Variants in HDC observed in about 807,000 individuals in gnomAD.
HDC encodes the protein histidine decarboxylase.
HDC carries 27 observed loss-of-function variants against 64.4 expected under a neutral mutation model. The ratio of observed to expected loss-of-function variants is 0.42; its 90% CI spans 0.31 to 0.58. The LOEUF (loss-of-function observed/expected upper bound fraction) is 0.58, where lower values mean the gene tolerates loss of function less well. Ranked by LOEUF, HDC falls within the 20% of genes least tolerant of loss-of-function variation. HDC has a pLI of 0.16. For synonymous variants in HDC, 305 were observed against 314.2 expected (o/e 0.97, Z 0.31); for missense variants, 711 against 833.9 (o/e 0.85, Z 1.81).
chr15:50,263,241 C>T lies in HDC; in HGVS notation c.198G>A (p.Met66Ile), dbSNP rs1171710102. 1 of 1,614,006 alleles carries T rather than the reference C, an allele frequency of 6.2e-7. No homozygotes were observed. The highest frequency in any genetic ancestry group is 8.5e-7 in the Non-Finnish European group (1 of 1,180,010). ...SIFGDIERII[M>I]PGVVHWQSPH... The stretch of plus-strand genomic sequence containing the variant: ...TGTGGTCACTGTGTCTCACCCCAGG[C>T]ATGATGATTCGTTCAATGTCCCCAA... Residue 66 changes from methionine (M) to isoleucine (I), a missense_variant, in exon 2 of 12, where the codon ATG becomes ATA. Met to Ile is a conservative substitution (Grantham distance 10). Around this residue, in one of 3 missense-constraint regions of HDC, gnomAD observed 225 missense variants for 276.2 expected, o/e 0.81. Coordinates refer to ENST00000267845, the MANE Select transcript of HDC (RefSeq NM_002112.4).
At chr15:50,247,717 T>C (rs2045500925) in intron 10 of HDC, among the ~76,000 whole-genome samples, 1 of 152,216 alleles carries the variant, frequency 6.6e-6, no homozygotes, top group Non-Finnish European at 1.5e-5. Context: ...CTTGTAATTG[T>C]TGAATTGAAT....
At position 50,259,881 on chromosome 15, in the gene HDC, G is replaced by A. The variant is rs536466482; in HGVS notation, c.205-1364C>T. 5.1e-4 allele frequency among the ~76,000 whole-genome samples: 77 copies of A among 152,248 alleles called. 1 individual carries two copies. The Middle Eastern group carries it at 0.01, about 20-fold the overall frequency. ...TCCTGGACAGTGTGTATAGTATAAGGAGCCTAAGAATTAAGTCCAAGGACA... is the reference window on the plus strand; with the variant it reads ...TCCTGGACAGTGTGTATAGTATAAGAAGCCTAAGAATTAAGTCCAAGGACA... On this transcript the variant is annotated intron_variant, in intron 2 of 11. Coordinates refer to ENST00000267845, the MANE Select transcript of HDC (RefSeq NM_002112.4).
rs1196745317 is a variant in HDC, at chr15:50,248,846, T to C, written c.1042-503A>G. On this transcript the variant is annotated intron_variant, in intron 9 of 11. Transcript: ENST00000267845. The surrounding 1 kb of genome is among the most constrained non-coding windows in gnomAD (Gnocchi z 4.3). ...TTACTAGCTGTGTGACCTTGGGTAG[T>C]GCCACCTCACTGGCTCATCAGTCCG... is the stretch of plus-strand genomic sequence containing the variant. Among the ~76,000 whole-genome samples, 1 of 152,194 alleles carries C rather than the reference T, an allele frequency of 6.6e-6. No individual in the cohort carries two copies. Among genetic ancestry groups the C allele is most frequent in the Non-Finnish European group, 1.5e-5 (1 of 68,044 alleles).
chr15:50,242,316 A>G lies in HDC; in HGVS notation c.1933T>C (p.Cys645Arg). 1 of 1,614,200 alleles carries G rather than the reference A, an allele frequency of 6.2e-7. No homozygotes were observed. The highest frequency in any genetic ancestry group is 8.5e-7 in the Non-Finnish European group (1 of 1,180,030). Residue 645 changes from cysteine to arginine, a missense_variant, in exon 12 of 12, where the codon TGC (cysteine) becomes CGC (arginine). This residue lies in a region of HDC where 483 missense variants were observed against 540.9 expected (regional missense o/e 0.89). Transcript: ENST00000267845. ...AGCTGGAGTCCACATTGAGAGCTGC[A>G]TTCAGGAAAGCTGGGGACGCTGTAG... ...KFYSVPSFPE[C>R]SSQCGLQLPC...
In HDC at chr15:50,245,701, C is replaced by A. The variant is rs554806458; in HGVS notation, c.1141-2457G>T. 2.4e-4 allele frequency among the ~76,000 whole-genome samples: 36 copies of A among 152,156 alleles called. 2 individuals are homozygous for A. The South Asian group carries it at 7.3e-3, about 31-fold the overall frequency. On this transcript the variant is annotated intron_variant, in intron 10 of 11. Coordinates refer to ENST00000267845, the MANE Select transcript of HDC (RefSeq NM_002112.4). ...CTTGAGCCCAGGAGCGTGAGAACAACCTGGGCAACATGACAAAACCCCATC... is the reference window on the plus strand; with the variant it reads ...CTTGAGCCCAGGAGCGTGAGAACAAACTGGGCAACATGACAAAACCCCATC...
chr15:50,244,869 T>C (rs968600808), intron 10 of HDC: 2 of 151,900 alleles, frequency 1.3e-5, no homozygotes, highest in Non-Finnish European at 1.5e-5. Flanking sequence ...GTGGGAGCAA[T>C]TGAGCTTCCC....
chr15:50,242,279 G>A lies in HDC; in HGVS notation c.1970C>T (p.Pro657Leu). The change falls in exon 12 of 12, where the codon CCT becomes CTT. Residue 657 changes from proline to leucine, a missense_variant. Physicochemically the swap from Pro to Leu is moderately conservative, Grantham distance 98. Around this residue, in one of 3 missense-constraint regions of HDC, gnomAD observed 483 missense variants for 540.9 expected, o/e 0.89. Coordinates refer to ENST00000267845, the MANE Select transcript of HDC (RefSeq NM_002112.4). The stretch of plus-strand genomic sequence containing the variant: ...CTGTGTCTAAACCATGGCCTGCAGA[G>A]GGCAACAGGGCAGCTGGAGTCCACA... ...SQCGLQLPCCPLQAMV is the reference protein window; with the variant it reads ...SQCGLQLPCCLLQAMV The A allele has an allele frequency of 1.2e-6, 2 of 1,614,090 alleles. No individual in the cohort carries two copies. Among genetic ancestry groups the A allele is most frequent in the Non-Finnish European group, 1.7e-6 (2 of 1,179,932 alleles).
chr15:50,253,419 A>G (rs2045584258), intron 7 of HDC, 181 bp downstream of exon 7: 1 of 683,368 alleles, frequency 1.5e-6, no homozygotes. Context: ...CACCACTGGG[A>G]AAGGCAATGT....
chr15:50,245,163 C>T (rs1214960897), intron 10 of HDC, among the ~76,000 whole-genome samples: 2 of 152,238 alleles, frequency 1.3e-5, no homozygotes, highest in Non-Finnish European at 1.5e-5. Context: ...GTGCCCTGCA[C>T]CGCTCTAGGT....
At chr15:50,259,398 G>A (rs17796788) in intron 2 of HDC, among the ~76,000 whole-genome samples, 12,292 of 152,124 alleles carry the variant, frequency 0.081, 661 homozygotes, top group Middle Eastern at 0.12. Context: ...ATGGGAGGCC[G>A]ACCTCCAGGC....
chr15:50,257,660 AG>A lies in HDC; in HGVS notation c.319-114del, dbSNP rs886515098. On this transcript the variant is annotated intron_variant, in intron 3 of 11. Coordinates refer to ENST00000267845, the MANE Select transcript of HDC (RefSeq NM_002112.4). ...GTGTCAATGGGAACATTTCTGGAGAAGGGGTCATGTTAGGCCACGTGCCTCT... is the reference window on the plus strand; with the variant it reads ...GTGTCAATGGGAACATTTCTGGAGAAGGGTCATGTTAGGCCACGTGCCTCT... The A allele has an allele frequency of 7.1e-6, 9 of 1,273,808 alleles. No individual in the cohort carries two copies. The African/African-American group carries it at 8.7e-5, about 12-fold the overall frequency. 78.9% of individuals were successfully genotyped at this position (1,273,808 alleles called of 1,614,324 possible). A position where few individuals can be genotyped will look rare whatever the true frequency, so the allele number is the denominator to read the frequency against.
At chr15:50,249,653 T>C (rs2045528247) in intron 9 of HDC, among the ~76,000 whole-genome samples, 2 of 152,228 alleles carry the variant, frequency 1.3e-5, no homozygotes, top group African/African-American at 4.8e-5. Context: ...ACAAGGAAAG[T>C]GTCAACTCCA....
intron 3 of HDC, among the ~76,000 whole-genome samples, chr15:50,258,166 G>A (rs1465039266): frequency 6.6e-6 from 1 of 152,106 alleles, no homozygotes. Context: ...TGATCTGGGG[G>A]AGATAAGTTG....
intron 10 of HDC, among the ~76,000 whole-genome samples, chr15:50,246,796 T>C (rs75746539): frequency 1.3e-5 from 2 of 152,154 alleles, no homozygotes; most frequent in East Asian, 3.9e-4. Flanking sequence ...CCACCAACCA[T>C]TCCCCGCCCA....
At chr15:50,247,848 T>C (rs926246265) in intron 10 of HDC, among the ~76,000 whole-genome samples, 6 of 152,212 alleles carry the variant, frequency 3.9e-5, no homozygotes, top group African/African-American at 1.4e-4. Context: ...ATAATCATAA[T>C]AGTGCTAAAA....
chr15:50,256,764 C>T (rs1178593148), intron 4 of HDC, among the ~76,000 whole-genome samples: 1 of 152,168 alleles, frequency 6.6e-6, no homozygotes, highest in East Asian at 1.9e-4. Flanking sequence ...ATCTCTGTCT[C>T]ATAGATTATA....
At chr15:50,264,366 G>A (rs2140945232) in intron 1 of HDC, among the ~76,000 whole-genome samples, 1 of 152,172 alleles carries the variant, frequency 6.6e-6, no homozygotes, top group Admixed American at 6.5e-5. Flanking sequence ...CCCTGCCCTG[G>A]CCTGGGAAAT....
Position 50,252,538 on chromosome 15 carries a change from G to T in HDC, c.951-18C>A. Reference sequence around the variant, plus strand: ...CCTTGACCCTGTGGGTTTCCAAATGGGCATTAGTGGCTGAGGTCTCTCCAG... The same window carrying T: ...CCTTGACCCTGTGGGTTTCCAAATGTGCATTAGTGGCTGAGGTCTCTCCAG... On this transcript the variant is annotated intron_variant, in intron 8 of 11. Coordinates refer to ENST00000267845, the MANE Select transcript of HDC (RefSeq NM_002112.4). 6.2e-7 allele frequency: 1 copy of T among 1,614,050 alleles called. No individual in the cohort carries two copies. Among genetic ancestry groups the T allele is most frequent in the Non-Finnish European group, 8.5e-7 (1 of 1,179,914 alleles).
Position 50,248,761 on chromosome 15 carries a change from GTAGT to G in HDC, c.1042-422_1042-419del, listed in dbSNP as rs749077139. ...TATTCCTCCCAAAATGTAAAGTATG[GTAGT>G]TAGAGCACAGACACTAGAGCCCTGC... On this transcript the variant is annotated intron_variant, in intron 9 of 11. Coordinates refer to ENST00000267845, the MANE Select transcript of HDC (RefSeq NM_002112.4). This position sits in a 1 kb window ranked among gnomAD's most constrained non-coding sequence, Gnocchi z 4.3. Among the ~76,000 whole-genome samples, 1 of 152,152 alleles carries G rather than the reference GTAGT, an allele frequency of 6.6e-6. No individual in the cohort carries two copies. The highest frequency in any genetic ancestry group is 6.5e-5 in the Admixed American group (1 of 15,286).
Sources: gnomAD v4.1 joint callset for allele counts (sites outside exome capture counted in the v4.1 genomes callset) on GRCh38, gnomAD v4.1.1 for gene constraint, gnomAD v4.1.1 regional missense constraint, Gnocchi (gnomAD v3.1) non-coding constraint, MANE v1.5 for transcripts, NCBI Gene and HGNC (gene_info 2026-07-23, HGNC 2026-07-21) for gene names.